NOVA1: variants seen among roughly 807,000 people sequenced by gnomAD.
The protein encoded by NOVA1 is NOVA alternative splicing regulator 1, also known as RNA-binding protein Nova-1.
In NOVA1, 7 loss-of-function variants were observed where a neutral mutation model predicts 38.0. The ratio of observed to expected loss-of-function variants is 0.18; its 90% CI spans 0.10 to 0.35. NOVA1 has a LOEUF of 0.35. NOVA1 is among the 10% of genes least tolerant of loss of function. NOVA1 has a pLI of 1.00. For missense variants in NOVA1, 460 were observed against 616.0 expected (o/e 0.75, Z 2.68); for synonymous variants, 270 against 232.5 (o/e 1.16, Z -1.47).
intron 2 of NOVA1, among the ~76,000 whole-genome samples, chr14:26,511,731 A>G (rs1480819399): frequency 2.0e-5 from 3 of 151,818 alleles, no homozygotes; most frequent in Non-Finnish European, 4.4e-5. Flanking sequence ...CAGCCTGGTG[A>G]CAGAGTGAGA....
At chr14:26,535,767 T>C (rs7160246) in intron 2 of NOVA1, among the ~76,000 whole-genome samples, 37,783 of 151,388 alleles carry the variant, frequency 0.25, 5,548 homozygotes, top group African/African-American at 0.4. Context: ...ACCATCCTGG[T>C]TAACGCGGTG....
At chr14:26,465,290 T>C (rs1397286256) in intron 4 of NOVA1, among the ~76,000 whole-genome samples, 1 of 152,124 alleles carries the variant, frequency 6.6e-6, no homozygotes, top group East Asian at 1.9e-4. Context: ...TTCTCCTCCC[T>C]CAGCCTCCTG....
intron 1 of NOVA1, 91 bp downstream of exon 1, chr14:26,597,210 G>A (rs1050179279): frequency 1.8e-6 from 2 of 1,114,754 alleles, no homozygotes; most frequent in Non-Finnish European, 2.3e-6. Flanking sequence ...CGGGAGGGAG[G>A]GAGGGAAGGA....
At chr14:26,457,016 G>C (rs1262693472) in intron 4 of NOVA1, among the ~76,000 whole-genome samples, 1 of 151,556 alleles carries the variant, frequency 6.6e-6, no homozygotes, top group East Asian at 1.9e-4. Context: ...TAATGTAAAA[G>C]TATATAATTA....
At chr14:26,483,093 TGAC>T (rs1413349848) in intron 2 of NOVA1, among the ~76,000 whole-genome samples, 1 of 152,222 alleles carries the variant, frequency 6.6e-6, no homozygotes, top group African/African-American at 2.4e-5. Context: ...ACATTTACAA[TGAC>T]TTTAAGTTTT....
intron 2 of NOVA1, 69 bp downstream of exon 2, chr14:26,595,341 A>G: frequency 6.8e-7 from 1 of 1,477,210 alleles, no homozygotes. Context: ...TCAAGACAGC[A>G]CACAACACAA....
chr14:26,451,998 T>C (rs1213351091), intron 4 of NOVA1, among the ~76,000 whole-genome samples: 4 of 152,180 alleles, frequency 2.6e-5, no homozygotes, highest in African/African-American at 9.7e-5. Flanking sequence ...AATTATAATA[T>C]ATAGCATTTT....
intron 2 of NOVA1, among the ~76,000 whole-genome samples, chr14:26,501,068 C>A (rs955218258): frequency 2.6e-5 from 4 of 151,954 alleles, no homozygotes; most frequent in African/African-American, 4.8e-5. Context: ...AATACCCTTA[C>A]CAAGTATTAT....
chr14:26,496,624 T>C (rs909750166), intron 2 of NOVA1, among the ~76,000 whole-genome samples: 2 of 152,214 alleles, frequency 1.3e-5, no homozygotes, highest in Non-Finnish European at 2.9e-5. Flanking sequence ...TTTATGGTTT[T>C]AGGTCTAACG....
intron 2 of NOVA1, among the ~76,000 whole-genome samples, chr14:26,579,504 G>A (rs568598559): frequency 1.3e-5 from 2 of 152,070 alleles, no homozygotes; most frequent in African/African-American, 2.4e-5. Context: ...TCACAGTCAC[G>A]CAAAACAAAA....
intron 2 of NOVA1, among the ~76,000 whole-genome samples, chr14:26,527,419 A>G (rs1414504522): frequency 6.6e-6 from 1 of 152,108 alleles, no homozygotes; most frequent in Non-Finnish European, 1.5e-5. Context: ...CTGCCTTGGT[A>G]GAGACCACAG....
At chr14:26,516,983 G>A (rs1185451429) in intron 2 of NOVA1, among the ~76,000 whole-genome samples, 1 of 146,384 alleles carries the variant, frequency 6.8e-6, no homozygotes, top group Non-Finnish European at 1.5e-5. Context: ...TTGGCTCACT[G>A]CAACCTCCAC....
chr14:26,593,948 T>C lies in NOVA1; in HGVS notation c.280+1462A>G, dbSNP rs1234625215. ...AATTTAATTTACCATTGCAGCTCTT[T>C]TCCTAGAACTATCACGTTATTAATT... On this transcript the variant is annotated intron_variant, in intron 2 of 4. Transcript: ENST00000539517. 6 of 151,954 alleles carry C rather than the reference T, an allele frequency of 3.9e-5. No homozygotes were observed. In the East Asian group the frequency reaches 1.2e-3, roughly 29 times the overall value. The allele number at this position is 151,954 out of a possible 1,614,324, so 9.4% of individuals were successfully genotyped here.
At chr14:26,477,905 T>G (rs1264061627) in intron 3 of NOVA1, among the ~76,000 whole-genome samples, 2 of 151,962 alleles carry the variant, frequency 1.3e-5, no homozygotes, top group Non-Finnish European at 2.9e-5. Flanking sequence ...ATAAAGAAAA[T>G]ATGTAAGTGT....
intron 2 of NOVA1, among the ~76,000 whole-genome samples, chr14:26,499,014 T>C (rs988191745): frequency 1.3e-5 from 2 of 151,988 alleles, no homozygotes; most frequent in African/African-American, 4.8e-5. Flanking sequence ...TATATAGAGA[T>C]AGAGAATAAA....
At chr14:26,577,382 T>C (rs1260305626) in intron 2 of NOVA1, among the ~76,000 whole-genome samples, 1 of 152,132 alleles carries the variant, frequency 6.6e-6, no homozygotes, top group Non-Finnish European at 1.5e-5. Context: ...CAGTGAATTA[T>C]CTTTGAAATT....
chr14:26,558,488 T>TA (rs1374459975), intron 2 of NOVA1, among the ~76,000 whole-genome samples: 5 of 152,044 alleles, frequency 3.3e-5, no homozygotes, highest in Non-Finnish European at 7.4e-5. Flanking sequence ...AAAACTGCTC[T>TA]AAAAAACAGT....
intron 2 of NOVA1, among the ~76,000 whole-genome samples, chr14:26,581,246 T>C (rs1360451479): frequency 1.3e-5 from 2 of 152,100 alleles, no homozygotes; most frequent in Non-Finnish European, 2.9e-5. Flanking sequence ...GATGTGATAA[T>C]TGCTTAATAA....
At chr14:26,575,030 A>C (rs2138738721) in intron 2 of NOVA1, among the ~76,000 whole-genome samples, 1 of 152,300 alleles carries the variant, frequency 6.6e-6, no homozygotes, top group South Asian at 2.1e-4. Context: ...ATAAGTAAAT[A>C]ATTCTCTTAA....
Sources: gnomAD v4.1 joint callset for allele counts (sites outside exome capture counted in the v4.1 genomes callset) on GRCh38, gnomAD v4.1.1 for gene constraint, MANE v1.5 for transcripts, NCBI Gene and HGNC (gene_info 2026-07-23, HGNC 2026-07-21) for gene names.